Variants in RBFOX1 observed in about 807,000 individuals in gnomAD.
RBFOX1 encodes the protein RNA binding protein fox-1 homolog 1.
In RBFOX1, 8 loss-of-function variants were observed where a neutral mutation model predicts 57.7. That is an observed-to-expected ratio of 0.14 (90% CI 0.08 to 0.25). The LOEUF is 0.25. Ranked by LOEUF, RBFOX1 falls within the 10% of genes least tolerant of loss-of-function variation. The probability of loss-of-function intolerance (pLI) is 1.00; values close to 1 mark genes in which losing one functional copy is unlikely to be tolerated. For missense variants in RBFOX1, 611 were observed against 548.5 expected, an observed-to-expected ratio of 1.11 and a Z score of -1.14; for synonymous variants, 326 against 222.4, an observed-to-expected ratio of 1.47 and a Z score of -4.15.
intron 3 of RBFOX1, among the ~76,000 whole-genome samples, chr16:7,021,967 TCCCTCCCCTTCC>T (rs1274899149): frequency 1.3e-5 from 1 of 74,610 alleles, no homozygotes; most frequent in Non-Finnish European, 2.6e-5. Flanking sequence ...TCTCTCTCTC[TCCCTCCCCTTCC>T]CCCTCCCCTT....
chr16:5,749,539 A>G (rs551044159), intron 3 of RBFOX1, among the ~76,000 whole-genome samples: 61 of 152,252 alleles, frequency 4.0e-4, no homozygotes, highest in East Asian at 7.7e-4. Context: ...ACATAGTCCC[A>G]TATTTCTTGG....
rs1384787639 is a variant in RBFOX1, at chr16:7,561,533, G to C, written c.271-18244G>C. 2.6e-5 allele frequency among the ~76,000 whole-genome samples: 4 copies of C among 152,212 alleles called. No individual in the cohort carries two copies. The East Asian group carries it at 5.8e-4, about 22-fold the overall frequency. On this transcript the variant is annotated intron_variant, in intron 5 of 15. Transcript: ENST00000550418. Reference sequence around the variant, plus strand: ...AGTGTCAATTTGCAGAAATTGTGCAGTTTATGTGACAGGATTCTTTCACTG... The same window carrying C: ...AGTGTCAATTTGCAGAAATTGTGCACTTTATGTGACAGGATTCTTTCACTG...
chr16:5,553,885 C>T (rs1174438008), intron 2 of RBFOX1, among the ~76,000 whole-genome samples: 3 of 151,764 alleles, frequency 2.0e-5, no homozygotes, highest in South Asian at 4.2e-4. Context: ...GTCTGGGTAC[C>T]CTGTGGATGG....
chr16:5,688,591 G>A (rs974338245), intron 3 of RBFOX1, among the ~76,000 whole-genome samples: 1 of 151,880 alleles, frequency 6.6e-6, no homozygotes, highest in Non-Finnish European at 1.5e-5. Flanking sequence ...GTCCCAACAT[G>A]AACTGGATGG....
chr16:7,401,112 T>C (rs1291219516), intron 4 of RBFOX1, among the ~76,000 whole-genome samples: 2 of 152,212 alleles, frequency 1.3e-5, no homozygotes, highest in South Asian at 2.1e-4. Flanking sequence ...AGAGGGAACA[T>C]GTAATGGTAT....
chr16:6,558,665 TAAACA>T (rs750467865), intron 2 of RBFOX1, among the ~76,000 whole-genome samples: 8 of 152,168 alleles, frequency 5.3e-5, no homozygotes, highest in East Asian at 1.9e-4. Flanking sequence ...GATGGCTAAT[TAAACA>T]AAACAAAACG....
chr16:7,242,266 G>A (rs1156275528), intron 4 of RBFOX1, among the ~76,000 whole-genome samples: 1 of 152,146 alleles, frequency 6.6e-6, no homozygotes, highest in East Asian at 1.9e-4. Context: ...TTCAGAGACA[G>A]GGTTGCATGT....
At chr16:5,726,230 G>A (rs553041621) in intron 3 of RBFOX1, among the ~76,000 whole-genome samples, 2 of 151,592 alleles carry the variant, frequency 1.3e-5, no homozygotes, top group African/African-American at 4.9e-5. Context: ...ATGCCTCCCC[G>A]AAATGCAGAT....
chr16:6,831,331 C>T (rs550595678), intron 3 of RBFOX1, among the ~76,000 whole-genome samples: 6 of 152,196 alleles, frequency 3.9e-5, no homozygotes, highest in East Asian at 1.9e-4. Context: ...CTGTTTTTTC[C>T]AATGTCTTAT....
chr16:7,357,728 C>G (rs1263604801), intron 4 of RBFOX1, among the ~76,000 whole-genome samples: 6 of 152,300 alleles, frequency 3.9e-5, no homozygotes, highest in Admixed American at 2.6e-4. Context: ...GGAGACCAGG[C>G]TAGTGGAGGT....
chr16:6,307,017 C>G (rs531622687), intron 1 of RBFOX1, among the ~76,000 whole-genome samples: 2 of 152,262 alleles, frequency 1.3e-5, no homozygotes, highest in Admixed American at 6.5e-5. Flanking sequence ...GACAACATCT[C>G]TATTTTTAAA....
chr16:7,112,891 C>T (rs914766029), intron 4 of RBFOX1, among the ~76,000 whole-genome samples: 1 of 152,050 alleles, frequency 6.6e-6, no homozygotes, highest in Non-Finnish European at 1.5e-5. Flanking sequence ...TATAATGCTA[C>T]TTACCTAATT....
intron 2 of RBFOX1, among the ~76,000 whole-genome samples, chr16:6,354,668 T>A (rs1363295744): frequency 1.3e-5 from 2 of 152,178 alleles, no homozygotes; most frequent in African/African-American, 4.8e-5. Context: ...TTTTGCTTCC[T>A]TCCATCACAG....
chr16:7,359,889 C>G (rs2097288160), intron 4 of RBFOX1, among the ~76,000 whole-genome samples: 1 of 151,936 alleles, frequency 6.6e-6, no homozygotes, highest in Admixed American at 6.6e-5. Flanking sequence ...GAGGCTGAGG[C>G]AGGGGAATGG....
intron 1 of RBFOX1, among the ~76,000 whole-genome samples, chr16:5,240,767 C>T (rs1488203104): frequency 5.9e-5 from 9 of 152,188 alleles, no homozygotes; most frequent in Admixed American, 5.9e-4. Flanking sequence ...CACACGTGGG[C>T]CCCTGAGTGA....
intron 4 of RBFOX1, among the ~76,000 whole-genome samples, chr16:7,211,215 C>A (rs979406268): frequency 6.6e-6 from 1 of 151,592 alleles, no homozygotes; most frequent in Non-Finnish European, 1.5e-5. Context: ...CACAGTTAAA[C>A]CCCGTCTCTA....
At chr16:7,191,313 C>T (rs561095774) in intron 4 of RBFOX1, among the ~76,000 whole-genome samples, 64 of 147,988 alleles carry the variant, frequency 4.3e-4, no homozygotes, top group African/African-American at 1.5e-3. Flanking sequence ...TCTAATAAGA[C>T]GTATAATCCG....
downstream of RBFOX1, among the ~76,000 whole-genome samples, chr16:5,604,363 T>G (rs76253018): frequency 0.037 from 5,666 of 152,200 alleles, 250 homozygotes; most frequent in African/African-American, 0.11. Context: ...GCTGGGAGTT[T>G]CATCTGGAGC....
intron 5 of RBFOX1, among the ~76,000 whole-genome samples, chr16:7,545,918 G>T (rs11077197): frequency 2.6e-5 from 4 of 151,460 alleles, no homozygotes; most frequent in Non-Finnish European, 5.9e-5. Context: ...TGTTTTGAGA[G>T]TCACGTGCAA....
Sources: allele counts gnomAD v4.1 joint callset (sites outside exome capture counted in the v4.1 genomes callset), GRCh38; gene constraint gnomAD v4.1.1; transcripts MANE v1.5; gene names NCBI Gene and HGNC (gene_info 2026-07-23, HGNC 2026-07-21).